Variants in CSMD1 observed in about 807,000 individuals in gnomAD.
CSMD1 encodes the protein CUB and sushi domain-containing protein 1.
In CSMD1, 213 loss-of-function variants were observed where a neutral mutation model predicts 417.5. The ratio of observed to expected loss-of-function variants is 0.51; its 90% CI spans 0.46 to 0.57. The LOEUF (loss-of-function observed/expected upper bound fraction) is 0.57, where lower values mean the gene tolerates loss of function less well. Ranked by LOEUF, CSMD1 falls within the 20% of genes least tolerant of loss-of-function variation. The probability of loss-of-function intolerance (pLI) is 0.00; values close to 1 mark genes in which losing one functional copy is unlikely to be tolerated. For missense variants in CSMD1, 6,923 were observed against 4,529.7 expected, an observed-to-expected ratio of 1.53 and a Z score of -15.17; for synonymous variants, 2,862 against 1,736.8, an observed-to-expected ratio of 1.65 and a Z score of -16.11.
intron 5 of CSMD1, among the ~76,000 whole-genome samples, chr8:3,914,958 T>C (rs1376607461): frequency 2.0e-5 from 3 of 152,118 alleles, no homozygotes; most frequent in Non-Finnish European, 2.9e-5. Flanking sequence ...AACAAAACAG[T>C]ATTGCAGTGT....
chr8:3,641,461 G>A (rs1013371894), intron 7 of CSMD1, among the ~76,000 whole-genome samples: 3 of 152,284 alleles, frequency 2.0e-5, no homozygotes, highest in Non-Finnish European at 4.4e-5. Flanking sequence ...TCAGTAAGTG[G>A]TTTTTAGCTG....
rs1260386047 is a variant in CSMD1, at chr8:3,155,324, ATT to A, written c.5914+2571_5914+2572del. On this transcript the variant is annotated intron_variant, in intron 39 of 69. Transcript: ENST00000635120. ...CAGTTTTAATTGTTTCGTTTTTTAAATTTTTTAATTTTTTCCTTCCAAATCAA... is the reference window on the plus strand; with the variant it reads ...CAGTTTTAATTGTTTCGTTTTTTAAATTTTAATTTTTTCCTTCCAAATCAA... 5.2e-5 allele frequency among the ~76,000 whole-genome samples: 7 copies of A among 135,770 alleles called. No homozygotes were observed. In the East Asian group the frequency reaches 1.6e-3, roughly 30 times the overall value. The allele number at this position is 135,770 out of a possible 152,430, so 89.1% of individuals were successfully genotyped here.
At chr8:4,768,434 G>A (rs763539063) in intron 1 of CSMD1, among the ~76,000 whole-genome samples, 7 of 152,138 alleles carry the variant, frequency 4.6e-5, no homozygotes, top group Admixed American at 2.0e-4. Context: ...TGTGTTAAAC[G>A]TCAGGGAAAC....
At chr8:4,070,561 G>A (rs1334268207) in intron 3 of CSMD1, among the ~76,000 whole-genome samples, 2 of 152,086 alleles carry the variant, frequency 1.3e-5, no homozygotes, top group Non-Finnish European at 2.9e-5. Flanking sequence ...GTTTCACCGT[G>A]TTAGCCAGGA....
chr8:4,112,129 C>T (rs1384023229), intron 3 of CSMD1, among the ~76,000 whole-genome samples: 3 of 152,186 alleles, frequency 2.0e-5, no homozygotes, highest in Non-Finnish European at 4.4e-5. Flanking sequence ...TCAGGGGCCC[C>T]TTCAAAGTGC....
intron 36 of CSMD1, among the ~76,000 whole-genome samples, chr8:3,184,632 A>G (rs1388098887): frequency 1.3e-5 from 2 of 152,208 alleles, no homozygotes; most frequent in African/African-American, 4.8e-5. Flanking sequence ...TTTTATTTCT[A>G]TACATGGGCA....
chr8:3,546,403 G>C (rs535314201), intron 10 of CSMD1, among the ~76,000 whole-genome samples: 1 of 152,054 alleles, frequency 6.6e-6, no homozygotes. Flanking sequence ...GGGTTTGGTG[G>C]CATATTCCTG....
At position 3,616,531 on chromosome 8, in the gene CSMD1, G is replaced by C. The variant is rs57459696; in HGVS notation, c.1097+179C>G. ...AGGGACTAATACAGAACTTTTAACA[G>C]ATTATAAACAAAAAACAAAATCTCT... On this transcript the variant is annotated intron_variant, in intron 8 of 69. Coordinates refer to ENST00000635120, the MANE Select transcript of CSMD1 (RefSeq NM_033225.6). 6.7e-3 allele frequency among the ~76,000 whole-genome samples: 1,017 copies of C among 152,184 alleles called. 14 individuals are homozygous for C. The highest frequency in any genetic ancestry group is 0.023 in the African/African-American group (952 of 41,536).
intron 3 of CSMD1, among the ~76,000 whole-genome samples, chr8:4,298,174 T>C (rs796422965): frequency 3.9e-4 from 60 of 152,246 alleles, no homozygotes; most frequent in African/African-American, 1.4e-3. Flanking sequence ...AAACATAATT[T>C]TGAGGAATCT....
At chr8:4,763,133 A>C (rs541450806) in intron 1 of CSMD1, among the ~76,000 whole-genome samples, 17 of 152,340 alleles carry the variant, frequency 1.1e-4, no homozygotes, top group Admixed American at 3.9e-4. Context: ...AAAGACGAAG[A>C]GGTTAATACA....
At chr8:3,158,346 G>A (rs956366136) in intron 38 of CSMD1, among the ~76,000 whole-genome samples, 2 of 152,014 alleles carry the variant, frequency 1.3e-5, no homozygotes, top group Admixed American at 6.5e-5. Flanking sequence ...GAAAGTACTA[G>A]GTGGTGATTA....
At chr8:2,969,914 G>A (rs775421356) in intron 57 of CSMD1, among the ~76,000 whole-genome samples, 6 of 152,050 alleles carry the variant, frequency 3.9e-5, no homozygotes, top group African/African-American at 1.4e-4. Context: ...CATGATGTCC[G>A]TATCATATAA....
intron 1 of CSMD1, among the ~76,000 whole-genome samples, chr8:4,658,880 T>C (rs79856319): frequency 0.033 from 5,081 of 152,206 alleles, 126 homozygotes; most frequent in East Asian, 0.12. Flanking sequence ...TAGAGCTATA[T>C]AGGAGCACAA....
intron 3 of CSMD1, among the ~76,000 whole-genome samples, chr8:4,169,302 C>T (rs376816984): frequency 1.3e-5 from 2 of 152,174 alleles, no homozygotes; most frequent in Non-Finnish European, 2.9e-5. Context: ...AACTCCTGAT[C>T]CTTCCTCTAA....
At chr8:4,856,857 C>T (rs1186967460) in intron 1 of CSMD1, among the ~76,000 whole-genome samples, 5 of 151,920 alleles carry the variant, frequency 3.3e-5, no homozygotes, top group South Asian at 2.1e-4. Context: ...CACAGATCAA[C>T]GAGACAGAAA....
chr8:4,291,226 G>A (rs1797341970), intron 3 of CSMD1, among the ~76,000 whole-genome samples: 2 of 151,926 alleles, frequency 1.3e-5, no homozygotes, highest in Admixed American at 6.6e-5. Context: ...AAAATAATAT[G>A]CTTATGATAT....
At chr8:4,664,908 TA>T (rs1407339839) in intron 1 of CSMD1, among the ~76,000 whole-genome samples, 1 of 152,186 alleles carries the variant, frequency 6.6e-6, no homozygotes, top group Non-Finnish European at 1.5e-5. Flanking sequence ...TCTATTTACA[TA>T]AAAAACTTGC....
intron 47 of CSMD1, among the ~76,000 whole-genome samples, chr8:3,096,391 C>A (rs1815298007): frequency 6.6e-6 from 1 of 152,052 alleles, no homozygotes; most frequent in Non-Finnish European, 1.5e-5. Context: ...GATAGTAAGT[C>A]CCACAAGATC....
rs751008119 is a variant in CSMD1 at position 2,966,538 on chromosome 8, G to A, written c.9100+32C>T. 2.8e-5 allele frequency: 45 copies of A among 1,586,980 alleles called. No individual in the cohort carries two copies. In the Admixed American group the frequency reaches 3.2e-4, roughly 11 times the overall value. On this transcript the variant is annotated intron_variant, in intron 58 of 69. Coordinates refer to ENST00000635120, the MANE Select transcript of CSMD1 (RefSeq NM_033225.6). ...CCAATGGAGTGAATTTCATAGTAAC[G>A]TCTGAGTCTACCATGATGTCTGCTT...
Sources: allele counts gnomAD v4.1 joint callset (sites outside exome capture counted in the v4.1 genomes callset), GRCh38; gene constraint gnomAD v4.1.1; transcripts MANE v1.5; gene names NCBI Gene and HGNC (gene_info 2026-07-23, HGNC 2026-07-21).